Variants in USP50 observed in about 807,000 individuals in gnomAD.
USP50 encodes the protein ubiquitin specific peptidase 50, also known as ubiquitin carboxyl-terminal hydrolase 50.
USP50 carries 37 observed loss-of-function variants against 39.2 expected under a neutral mutation model. The ratio of observed to expected loss-of-function variants is 0.94; its 90% CI spans 0.73 to 1.24. The LOEUF (loss-of-function observed/expected upper bound fraction) is 1.24. USP50 is among the 50% of genes most tolerant of loss of function. The probability of loss-of-function intolerance (pLI) is 0.00; values close to 1 mark genes in which losing one functional copy is unlikely to be tolerated. For missense variants in USP50, 374 were observed against 398.2 expected, an observed-to-expected ratio of 0.94 and a Z score of 0.52; for synonymous variants, 139 against 144.5, an observed-to-expected ratio of 0.96 and a Z score of 0.27.
intron 5 of USP50, chr15:50,532,316 G>A: frequency 4.6e-6 from 2 of 431,364 alleles, no homozygotes; most frequent in East Asian, 7.0e-5. Flanking sequence ...TCATTAACCA[G>A]AGCCTAACCT....
At chr15:50,538,982 G>A in intron 4 of USP50, 131 bp from the exon 5 acceptor site, 1 of 927,590 alleles carries the variant, frequency 1.1e-6, no homozygotes, top group East Asian at 2.8e-5. Flanking sequence ...AACAAATCCA[G>A]AAGACAACAG....
At chr15:50,526,816 ATTAT>A (rs1264446738) in intron 6 of USP50, among the ~76,000 whole-genome samples, 1 of 152,238 alleles carries the variant, frequency 6.6e-6, no homozygotes, top group Non-Finnish European at 1.5e-5. Context: ...TTTGGGGCAA[ATTAT>A]TTAACCTCTC....
chr15:50,519,164 G>A (rs1156551632), intron 6 of USP50, among the ~76,000 whole-genome samples: 1 of 152,100 alleles, frequency 6.6e-6, no homozygotes, highest in African/African-American at 2.4e-5. Flanking sequence ...GCACACCCCT[G>A]TAGTCCCAGC....
chr15:50,506,262 C>T (rs549783415), intron 6 of USP50: 1 of 152,286 alleles, frequency 6.6e-6, no homozygotes, highest in Non-Finnish European at 1.5e-5. Flanking sequence ...CCTGGCTGCA[C>T]AGCAGGAAGC....
Position 50,544,172 on chromosome 15 carries a change from C to G in USP50, c.249-379G>C, listed in dbSNP as rs186926108. Among the ~76,000 whole-genome samples the G allele has an allele frequency of 8.5e-5, 13 of 152,048 alleles. No homozygotes were observed. In the East Asian group the frequency reaches 2.5e-3, roughly 29 times the overall value. ...CCTGGCCAACATGGTGAAACCCCGT[C>G]TCTACTAAAAATACAAAAAATTACA... is the stretch of plus-strand genomic sequence containing the variant. On this transcript the variant is annotated intron_variant, in intron 2 of 6. Transcript: ENST00000532404.
chr15:50,497,192 T>C (rs778045882), downstream of USP50: 1 of 1,610,978 alleles, frequency 6.2e-7, no homozygotes. Flanking sequence ...AAGATAGAAA[T>C]CTGGAAGTTA....
chr15:50,534,691 A>T (rs1263358884), intron 5 of USP50, among the ~76,000 whole-genome samples: 1 of 152,218 alleles, frequency 6.6e-6, no homozygotes. Context: ...CCACTAAGAA[A>T]GTGGGAGTAG....
chr15:50,531,573 T>C (rs2052941128), intron 5 of USP50, among the ~76,000 whole-genome samples: 1 of 152,176 alleles, frequency 6.6e-6, no homozygotes, highest in Non-Finnish European at 1.5e-5. Context: ...GATAACTTTT[T>C]GGGGTGATGG....
chr15:50,516,264 C>A (rs138098024), intron 6 of USP50, among the ~76,000 whole-genome samples: 1 of 152,046 alleles, frequency 6.6e-6, no homozygotes, highest in Non-Finnish European at 1.5e-5. Flanking sequence ...ATGGCAGTAG[C>A]AAATATCAAT....
Position 50,543,747 on chromosome 15 carries a change from T to C in USP50, c.295A>G (p.Met99Val). 6.2e-7 allele frequency: 1 copy of C among 1,610,532 alleles called. No homozygotes were observed. Among genetic ancestry groups the C allele is most frequent in the South Asian group, 1.1e-5 (1 of 90,384 alleles). Residue 99 changes from methionine (M) to valine (V), a missense_variant, in exon 3 of 7, where the codon ATG becomes GTG. Met to Val is a conservative substitution (Grantham distance 21, BLOSUM62 1). Coordinates refer to ENST00000532404, the MANE Select transcript of USP50 (RefSeq NM_203494.5). ...ACACAGTCTGAGTCTCCCAGCCACA[T>C]GTCTGTCATCAGATAGGCAAAAGCA... ...ATAFAYLMTD[M>V]WLGDSDCVSP...
At chr15:50,507,586 TAACAA>T (rs2052679619) in intron 6 of USP50, 1 of 152,164 alleles carries the variant, frequency 6.6e-6, no homozygotes, top group African/African-American at 2.4e-5. Flanking sequence ...GCTACCTACC[TAACAA>T]AACAGACTTG....
chr15:50,538,687 A>C (rs1320039402), intron 5 of USP50, 22 bp downstream of exon 5: 1 of 1,547,022 alleles, frequency 6.5e-7, no homozygotes. Context: ...ATATGTGCCC[A>C]CAAAAATGTA....
At chr15:50,543,999 C>T (rs1027005667) in intron 2 of USP50, 11 of 567,516 alleles carry the variant, frequency 1.9e-5, no homozygotes, top group African/African-American at 1.3e-4. Flanking sequence ...CACTACTTCA[C>T]CCCAGCTTGG....
At chr15:50,499,646 C>T (rs2052541655), downstream of USP50, 1 of 151,734 alleles carries the variant, frequency 6.6e-6, no homozygotes, top group African/African-American at 2.4e-5. Flanking sequence ...CAGGGCAAAG[C>T]AATTTTTCTG....
chr15:50,543,758 A>G lies in USP50; in HGVS notation c.284T>C (p.Leu95Pro). 6.2e-7 allele frequency: 1 copy of G among 1,609,950 alleles called. No individual in the cohort carries two copies. Among genetic ancestry groups the G allele is most frequent in the Non-Finnish European group, 8.5e-7 (1 of 1,177,878 alleles). ...GTCTCCCAGCCACATGTCTGTCATC[A>G]GATAGGCAAAAGCAGTGGCAACTTC... ...CSEVATAFAY[L>P]MTDMWLGDSD... is the part of the protein sequence containing the mutation. Residue 95 changes from leucine (L) to proline (P), a missense_variant, in exon 3 of 7, where the codon CTG becomes CCG. By Grantham distance (98) the Leu-to-Pro change is moderately conservative. Coordinates refer to ENST00000532404, the MANE Select transcript of USP50 (RefSeq NM_203494.5).
At chr15:50,541,015 C>A in intron 4 of USP50, 34 bp downstream of exon 4, 2 of 1,540,068 alleles carry the variant, frequency 1.3e-6, no homozygotes, top group Middle Eastern at 1.7e-4. Flanking sequence ...GAGAGTATAG[C>A]GAGACAAAGT....
intron 4 of USP50, among the ~76,000 whole-genome samples, chr15:50,539,915 GGAA>G (rs1297284438): frequency 4.6e-5 from 7 of 152,204 alleles, no homozygotes; most frequent in Admixed American, 1.3e-4. Context: ...ACCATTAACT[GGAA>G]GAAGAAGAAG....
In USP50 at chr15:50,500,654, C is replaced by T; in HGVS notation, c.*115G>A. On this transcript the variant is annotated 3_prime_UTR_variant, in exon 7 of 7. Transcript: ENST00000532404. ...TTCAGGAAACACCATTTTCCTGGCTCTTAACGCTTTTGTATTGGTATGGAA... is the reference window on the plus strand; with the variant it reads ...TTCAGGAAACACCATTTTCCTGGCTTTTAACGCTTTTGTATTGGTATGGAA... 9.9e-7 allele frequency: 1 copy of T among 1,009,764 alleles called. No homozygotes were observed. The highest frequency in any genetic ancestry group is 1.4e-5 in the South Asian group (1 of 69,950). The allele number at this position is 1,009,764 out of a possible 1,614,324, so 62.6% of individuals were successfully genotyped here.
At chr15:50,496,832 T>TC (rs1367354752), downstream of USP50, 1 of 313,496 alleles carries the variant, frequency 3.2e-6, no homozygotes, top group Non-Finnish European at 5.8e-6. Flanking sequence ...CAACAGGGTT[T>TC]CTCTGATTGA....
Sources: gnomAD v4.1 joint callset for allele counts (sites outside exome capture counted in the v4.1 genomes callset) on GRCh38, gnomAD v4.1.1 for gene constraint, MANE v1.5 for transcripts, NCBI Gene and HGNC (gene_info 2026-07-23, HGNC 2026-07-21) for gene names.